XDH: variants seen among roughly 807,000 people sequenced by gnomAD.
The protein encoded by XDH is xanthine dehydrogenase/oxidase.
A neutral mutation model predicts 156.1 loss-of-function variants in XDH; 138 were observed. The observed-to-expected ratio is 0.88, with a 90% confidence interval of 0.77 to 1.02. The LOEUF (loss-of-function observed/expected upper bound fraction) is 1.02. Ranked by LOEUF, XDH falls within the 50% of genes least tolerant of loss-of-function variation. The pLI, the probability that XDH is intolerant of heterozygous loss-of-function variation, is 0.00. For missense variants in XDH, 1,849 were observed against 1,684.9 expected (o/e 1.10, Z -1.71); for synonymous variants, 669 against 625.7 (o/e 1.07, Z -1.03).
At chr2:31,348,419 G>T (rs953579841) in intron 27 of XDH, 56 bp from the exon 28 acceptor site, 6 of 1,549,954 alleles carry the variant, frequency 3.9e-6, no homozygotes, top group South Asian at 2.3e-5. Flanking sequence ...ACTCATTAAG[G>T]TTTGGGACCA....
At chr2:31,407,572 T>G (rs1395423647) in intron 1 of XDH, among the ~76,000 whole-genome samples, 2 of 152,116 alleles carry the variant, frequency 1.3e-5, no homozygotes, top group Non-Finnish European at 2.9e-5. Context: ...TTCCCTGTGG[T>G]GGCCCTTGAA....
chr2:31,339,436 G>A, intron 34 of XDH, 53 bp downstream of exon 34: 2 of 1,611,850 alleles, frequency 1.2e-6, no homozygotes, highest in South Asian at 1.1e-5. Context: ...CACCCGCTGG[G>A]GCCTCCCCCA....
At chr2:31,412,533 A>G (rs926236269) in intron 1 of XDH, among the ~76,000 whole-genome samples, 2 of 152,142 alleles carry the variant, frequency 1.3e-5, no homozygotes, top group African/African-American at 4.8e-5. Context: ...CCTAATGTAA[A>G]TGACGAGTTA....
At chr2:31,353,659 A>C (rs1359388996) in intron 24 of XDH, among the ~76,000 whole-genome samples, 1 of 152,188 alleles carries the variant, frequency 6.6e-6, no homozygotes, top group Non-Finnish European at 1.5e-5. Context: ...CTCACTATAT[A>C]TTCCAAATCC....
chr2:31,354,684 T>C (rs73922349), intron 24 of XDH, among the ~76,000 whole-genome samples: 4,579 of 151,902 alleles, frequency 0.03, 209 homozygotes, highest in African/African-American at 0.1. Context: ...AGAAGGGACA[T>C]AGAAGAGAAT....
chr2:31,375,161 G>C (rs1287053990), intron 15 of XDH, among the ~76,000 whole-genome samples: 1 of 151,544 alleles, frequency 6.6e-6, no homozygotes, highest in Non-Finnish European at 1.5e-5. Context: ...ACGTAGCTGA[G>C]ATTACAGGGC....
chr2:31,383,380 A>G (rs1186939808), intron 10 of XDH, among the ~76,000 whole-genome samples: 2 of 152,170 alleles, frequency 1.3e-5, no homozygotes, highest in Non-Finnish European at 2.9e-5. Context: ...CCTACAACCA[A>G]TGCTCTTTCC....
intron 9 of XDH, among the ~76,000 whole-genome samples, chr2:31,384,876 G>A (rs995231025): frequency 2.0e-5 from 3 of 152,192 alleles, no homozygotes; most frequent in Admixed American, 1.3e-4. Context: ...CTCTTTGTCT[G>A]CCTTCCCCCA....
chr2:31,380,963 T>C (rs1686421661), intron 12 of XDH, among the ~76,000 whole-genome samples: 1 of 151,990 alleles, frequency 6.6e-6, no homozygotes, highest in South Asian at 2.1e-4. Flanking sequence ...GTTTTGAATA[T>C]AATTTATTTC....
At position 31,375,283 on chromosome 2, in the gene XDH, G is replaced by C. The variant is rs192835939; in HGVS notation, c.1602+97C>G. The C allele has an allele frequency of 3.4e-6, 5 of 1,488,270 alleles. No homozygotes were observed. The Admixed American group carries it at 6.7e-5, about 20-fold the overall frequency. 92.2% of individuals were successfully genotyped at this position (1,488,270 alleles called of 1,614,324 possible). A position where few individuals can be genotyped will look rare whatever the true frequency, so the allele number is the denominator to read the frequency against. On this transcript the variant is annotated intron_variant, in intron 15 of 35. Transcript: ENST00000379416. The stretch of plus-strand genomic sequence containing the variant: ...CCTGGTCCCTGCTATTCTGCCCTCA[G>C]ATGTCCAGAGGAGAGGAGCAAATTT...
At chr2:31,359,487 G>GT in intron 24 of XDH, among the ~76,000 whole-genome samples, 1 of 151,904 alleles carries the variant, frequency 6.6e-6, no homozygotes, top group Non-Finnish European at 1.5e-5. Flanking sequence ...TATCAAAGAT[G>GT]TTTTTTTCCA....
At chr2:31,406,201 A>T (rs1202173514) in intron 1 of XDH, among the ~76,000 whole-genome samples, 1 of 152,158 alleles carries the variant, frequency 6.6e-6, no homozygotes, top group African/African-American at 2.4e-5. Flanking sequence ...GCTTAGTGCC[A>T]TCCCCTTAGT....
intron 3 of XDH, among the ~76,000 whole-genome samples, chr2:31,402,138 T>C (rs1475572517): frequency 6.6e-6 from 1 of 152,188 alleles, no homozygotes; most frequent in African/African-American, 2.4e-5. Flanking sequence ...TAACTTGAGC[T>C]ACTTCTTACG....
At chr2:31,363,734 CGTT>C (rs1351021719) in intron 24 of XDH, among the ~76,000 whole-genome samples, 3 of 152,072 alleles carry the variant, frequency 2.0e-5, no homozygotes, top group Non-Finnish European at 4.4e-5. Flanking sequence ...CCATTCCAAT[CGTT>C]GTTAACAATT....
Position 31,386,495 on chromosome 2 carries a change from G to A in XDH, c.712C>T (p.Gln238Ter). The A allele has an allele frequency of 1.2e-6, 2 of 1,614,158 alleles. No homozygotes were observed. Among genetic ancestry groups the A allele is most frequent in the South Asian group, 1.1e-5 (1 of 91,080 alleles). ...RFEGERVTWI[Q>*]ASTLKELLDL... Reference sequence around the variant, plus strand: ...AGCAGCTCCTTGAGGGTTGAGGCCTGTATCCACGTCACACGCTCCCCTTCA... The same window carrying A: ...AGCAGCTCCTTGAGGGTTGAGGCCTATATCCACGTCACACGCTCCCCTTCA... The change falls in exon 9 of 36, where the codon CAG becomes TAG. Residue 238 changes from glutamine (Q) to a stop codon, truncating the protein, a stop_gained. Coordinates refer to ENST00000379416, the MANE Select transcript of XDH (RefSeq NM_000379.4). LOFTEE classifies it high-confidence loss of function.
chr2:31,401,779 G>A (rs983360428), intron 3 of XDH, among the ~76,000 whole-genome samples: 2 of 152,204 alleles, frequency 1.3e-5, no homozygotes, highest in Non-Finnish European at 2.9e-5. Context: ...TTTCTCTGTG[G>A]GGAAAGGGGG....
rs745473695 is a variant in XDH at position 31,368,633 on chromosome 2, C to A, written c.2008G>T (p.Ala670Ser). 2 of 1,614,042 alleles carry A rather than the reference C, an allele frequency of 1.2e-6. No homozygotes were observed. Among genetic ancestry groups the A allele is most frequent in the Non-Finnish European group, 1.7e-6 (2 of 1,180,038 alleles). Residue 670 changes from alanine (A) to serine (S), a missense_variant, in exon 19 of 36, where the codon GCT becomes TCT. Physicochemically the swap from Ala to Ser is moderately conservative, Grantham distance 99 (BLOSUM62 1). Coordinates refer to ENST00000379416, the MANE Select transcript of XDH (RefSeq NM_000379.4). The stretch of plus-strand genomic sequence containing the variant: ...TGTTCCGGGGTGTCAGCAACCACAG[C>A]ACCAATGATATGCCCAACACAAGTA... ...KVTCVGHIIG[A>S]VVADTPEHTQ...
chr2:31,354,874 CAAT>C (rs1685583964), intron 24 of XDH, among the ~76,000 whole-genome samples: 1 of 152,090 alleles, frequency 6.6e-6, no homozygotes, highest in Non-Finnish European at 1.5e-5. Context: ...GTACTCAAAG[CAAT>C]AATAACTGAA....
intron 24 of XDH, among the ~76,000 whole-genome samples, chr2:31,354,057 T>C (rs1685562486): frequency 6.6e-6 from 1 of 152,212 alleles, no homozygotes; most frequent in Non-Finnish European, 1.5e-5. Context: ...TCAAGGCTTT[T>C]AGCACAAGCC....
Sources: gnomAD v4.1 joint callset for allele counts (sites outside exome capture counted in the v4.1 genomes callset) on GRCh38, gnomAD v4.1.1 for gene constraint, MANE v1.5 for transcripts, NCBI Gene and HGNC (gene_info 2026-07-23, HGNC 2026-07-21) for gene names.